The following PIP4P2 variants were observed in gnomAD, a reference collection of about 807,000 sequenced individuals.
PIP4P2 encodes the protein phosphatidylinositol-4,5-bisphosphate 4-phosphatase 2.
In PIP4P2, 19 loss-of-function variants were observed where a neutral mutation model predicts 33.3. The ratio of observed to expected loss-of-function variants is 0.57; its 90% CI spans 0.40 to 0.84. The LOEUF (loss-of-function observed/expected upper bound fraction) is 0.84, where lower values mean the gene tolerates loss of function less well. Ranked by LOEUF, PIP4P2 falls within the 40% of genes least tolerant of loss-of-function variation. The pLI is 0.00. For missense variants in PIP4P2, 270 were observed against 324.7 expected (o/e 0.83, Z 1.29); for synonymous variants, 110 against 111.9 (o/e 0.98, Z 0.11).
At chr8:91,030,999 G>C (rs1375479473) in intron 1 of PIP4P2, among the ~76,000 whole-genome samples, 1 of 152,184 alleles carries the variant, frequency 6.6e-6, no homozygotes, top group African/African-American at 2.4e-5. Flanking sequence ...TTGACAAATA[G>C]AGGATGGCAG....
At chr8:91,004,565 T>C (rs781576633) in intron 5 of PIP4P2, among the ~76,000 whole-genome samples, 1 of 152,100 alleles carries the variant, frequency 6.6e-6, no homozygotes, top group Non-Finnish European at 1.5e-5. Flanking sequence ...AGAATCAAAA[T>C]ATGGAATTTA....
intron 1 of PIP4P2, among the ~76,000 whole-genome samples, chr8:91,032,082 C>T (rs1414544280): frequency 2.6e-5 from 4 of 152,180 alleles, no homozygotes; most frequent in South Asian, 2.1e-4. Context: ...CAAGGCCAAA[C>T]AGGTAGTAAC....
intron 1 of PIP4P2, among the ~76,000 whole-genome samples, chr8:91,031,778 T>C (rs1489501802): frequency 6.6e-6 from 1 of 152,190 alleles, no homozygotes; most frequent in Non-Finnish European, 1.5e-5. Context: ...CTGGAAGGAA[T>C]AGCTATTTAG....
chr8:91,035,995 G>C (rs1812227192), intron 1 of PIP4P2, among the ~76,000 whole-genome samples: 1 of 151,812 alleles, frequency 6.6e-6, no homozygotes, highest in Non-Finnish European at 1.5e-5. Flanking sequence ...CTGAGCAACA[G>C]AGTAAGAACC....
At chr8:91,009,074 T>C (rs1011255270) in intron 4 of PIP4P2, among the ~76,000 whole-genome samples, 1 of 152,166 alleles carries the variant, frequency 6.6e-6, no homozygotes, top group African/African-American at 2.4e-5. Context: ...TGGGGTCATC[T>C]TGTTCAGTAA....
At chr8:91,008,882 A>G in intron 4 of PIP4P2, 87 bp from the exon 5 acceptor site, 1 of 1,172,736 alleles carries the variant, frequency 8.5e-7, no homozygotes. Flanking sequence ...TTTAAATGTC[A>G]TCAGGGATCA....
chr8:91,019,586 G>T (rs1054254773), intron 3 of PIP4P2, among the ~76,000 whole-genome samples: 1 of 150,978 alleles, frequency 6.6e-6, no homozygotes, highest in Admixed American at 6.6e-5. Flanking sequence ...AAAAGAGAGA[G>T]ACTAACAGAT....
chr8:91,036,220 G>A (rs1812229660), intron 1 of PIP4P2, among the ~76,000 whole-genome samples: 1 of 151,698 alleles, frequency 6.6e-6, no homozygotes, highest in Non-Finnish European at 1.5e-5. Context: ...TTAGTCCTAA[G>A]AAACGAGGAC....
Position 90,994,540 on chromosome 8 carries a change from T to G in PIP4P2, c.*1137A>C, listed in dbSNP as rs73299946. The G allele has an allele frequency of 0.1, 15,820 of 152,604 alleles. 958 individuals carry two copies. Among genetic ancestry groups the G allele is most frequent in the African/African-American group, 0.17 (7,051 of 41,530 alleles). 9.5% of individuals were successfully genotyped at this position (152,604 alleles called of 1,614,324 possible). A position where few individuals can be genotyped will look rare whatever the true frequency, so the allele number is the denominator to read the frequency against. ...GAACATTTGTGATTAAGCAATTTCT[T>G]TTTCAAAACTGCAAAGATGGGCAGT... is the stretch of plus-strand genomic sequence containing the variant. On this transcript the variant is annotated 3_prime_UTR_variant, in exon 7 of 7. Coordinates refer to ENST00000285419, the MANE Select transcript of PIP4P2 (RefSeq NM_018710.3).
At chr8:91,005,377 A>T (rs1811751479) in intron 5 of PIP4P2, among the ~76,000 whole-genome samples, 1 of 152,040 alleles carries the variant, frequency 6.6e-6, no homozygotes, top group South Asian at 2.1e-4. Context: ...TTTTCACACA[A>T]TTCTCACTCA....
chr8:91,022,864 C>T (rs562215249), intron 1 of PIP4P2, among the ~76,000 whole-genome samples: 1 of 152,122 alleles, frequency 6.6e-6, no homozygotes, highest in East Asian at 1.9e-4. Context: ...CTGAAAGAGG[C>T]CACTTTGAAA....
Position 91,018,428 on chromosome 8 carries a change from T to C in PIP4P2, c.448A>G (p.Thr150Ala). The C allele has an allele frequency of 6.2e-7, 1 of 1,614,072 alleles. No individual in the cohort carries two copies. The highest frequency in any genetic ancestry group is 1.7e-5 in the Admixed American group (1 of 60,000). The change falls in exon 4 of 7, where the codon ACA becomes GCA. Residue 150 changes from threonine to alanine, a missense_variant. Physicochemically the swap from Thr to Ala is moderately conservative, Grantham distance 58. Coordinates refer to ENST00000285419, the MANE Select transcript of PIP4P2 (RefSeq NM_018710.3). The stretch of plus-strand genomic sequence containing the variant: ...CCACAGTGCCCACACACGACCCTTG[T>C]ACCTTCTGGTTGGATTGGCAATGCA... ...QPALPIQPEG[T>A]RVVCGHCGNT...
intron 4 of PIP4P2, among the ~76,000 whole-genome samples, chr8:91,014,573 T>TG (rs1435988393): frequency 6.6e-6 from 1 of 151,910 alleles, no homozygotes; most frequent in Admixed American, 6.6e-5. Flanking sequence ...AGTAGAATGG[T>TG]GGTTGCCAGG....
At chr8:91,008,058 T>C (rs1811785793) in intron 5 of PIP4P2, among the ~76,000 whole-genome samples, 1 of 152,190 alleles carries the variant, frequency 6.6e-6, no homozygotes. Flanking sequence ...TTCCTTTTGC[T>C]GATTCTGCTT....
intron 4 of PIP4P2, among the ~76,000 whole-genome samples, chr8:91,014,643 C>A (rs72664407): frequency 3.3e-5 from 5 of 152,024 alleles, no homozygotes; most frequent in Non-Finnish European, 5.9e-5. Context: ...CTCAGTTAGG[C>A]AGGCTGAATA....
chr8:91,014,910 G>C (rs1426238282), intron 4 of PIP4P2, among the ~76,000 whole-genome samples: 1 of 151,704 alleles, frequency 6.6e-6, no homozygotes, highest in African/African-American at 2.4e-5. Context: ...AATTTCTGTT[G>C]GTCAAATATA....
At chr8:91,008,171 C>T (rs893529249) in intron 5 of PIP4P2, among the ~76,000 whole-genome samples, 1 of 151,592 alleles carries the variant, frequency 6.6e-6, no homozygotes, top group African/African-American at 2.4e-5. Flanking sequence ...GTCTTGGGAC[C>T]CCCAACACAG....
chr8:91,021,772 T>A (rs1198570999), intron 1 of PIP4P2, among the ~76,000 whole-genome samples: 1 of 152,166 alleles, frequency 6.6e-6, no homozygotes, highest in East Asian at 1.9e-4. Flanking sequence ...GTGATCTGAT[T>A]CCCAGGAAAT....
Position 91,019,423 on chromosome 8 carries a change from A to AAT in PIP4P2, c.362+732_362+733dup, listed in dbSNP as rs1491477547. ...AAAAAAAAAAAAAAAAAAAAAAAAA[A>AAT]ATATATTACCTGGGAGTGGTGGTGT... is the stretch of plus-strand genomic sequence containing the variant. On this transcript the variant is annotated intron_variant, in intron 3 of 6. Transcript: ENST00000285419. Among the ~76,000 whole-genome samples, 54 of 61,272 alleles carry AAT rather than the reference A, an allele frequency of 8.8e-4. 1 individual carries two copies. Among genetic ancestry groups the AAT allele is most frequent in the African/African-American group, 1.9e-3 (51 of 26,394 alleles). The allele number at this position is 61,272 out of a possible 152,430, so 40.2% of individuals were successfully genotyped here.
Sources: gnomAD v4.1 joint callset for allele counts (sites outside exome capture counted in the v4.1 genomes callset) on GRCh38, gnomAD v4.1.1 for gene constraint, MANE v1.5 for transcripts, NCBI Gene and HGNC (gene_info 2026-07-23, HGNC 2026-07-21) for gene names.